Variants in LYPD2 observed in about 807,000 individuals in gnomAD.
LYPD2 encodes the protein ly6/PLAUR domain-containing protein 2.
Under a neutral mutation model 7.1 loss-of-function variants are expected in LYPD2, and 5 were observed. That is an observed-to-expected ratio of 0.70 (90% CI 0.37 to 1.48). LYPD2 has a LOEUF of 1.48. Ranked by LOEUF, LYPD2 falls within the 40% of genes most tolerant of loss-of-function variation. The pLI, the probability that LYPD2 is intolerant of heterozygous loss-of-function variation, is 0.03. For synonymous variants in LYPD2, 78 were observed against 82.0 expected (o/e 0.95, Z 0.26); for missense variants, 177 against 171.0 (o/e 1.04, Z -0.20).
chr8:142,750,930 G>T (rs746384417), intron 2 of LYPD2, 121 bp downstream of exon 2: 118 of 1,536,676 alleles, frequency 7.7e-5, no homozygotes, highest in Non-Finnish European at 1.0e-4. Context: ...GGCTCTGACC[G>T]GGAACCCAGC....
rs751446640 is a variant in LYPD2, at chr8:142,751,159, G to C, written c.70C>G (p.Arg24Gly). ...GTGGGCTCCGGACAGACGTAGCAGC[G>C]CAGGGCCGGCGCTGGGGAGAAGGGA... ...AACGELAPAL[R>G]CYVCPEPTGV... is the part of the protein sequence containing the mutation. Residue 24 changes from arginine (R) to glycine (G), a missense_variant, in exon 2 of 3, where the codon CGC (arginine) becomes GGC (glycine). Physicochemically the swap from Arg to Gly is moderately radical, Grantham distance 125. Coordinates refer to ENST00000359228, the MANE Select transcript of LYPD2 (RefSeq NM_205545.3). 6.8e-6 allele frequency: 11 copies of C among 1,613,992 alleles called. No individual in the cohort carries two copies. Among genetic ancestry groups the C allele is most frequent in the Non-Finnish European group, 9.3e-6 (11 of 1,180,012 alleles).
rs766170996 is a variant in LYPD2, at chr8:142,750,390, C to T, written c.271G>A (p.Val91Met). The change falls in exon 3 of 3, where the codon GTG becomes ATG. Residue 91 changes from valine to methionine, a missense_variant. Val to Met is a conservative substitution (Grantham distance 21, BLOSUM62 1). Transcript: ENST00000359228. ...DVDGIGQTLP[V>M]SCCNTELCNV... Reference sequence around the variant, plus strand: ...CACAGCTCAGTATTGCAGCAGGACACGGGCAGGGTCTGGCCGATGCCATCC... The same window carrying T: ...CACAGCTCAGTATTGCAGCAGGACATGGGCAGGGTCTGGCCGATGCCATCC... The T allele has an allele frequency of 3.4e-5, 53 of 1,576,508 alleles. 1 individual carries two copies. The highest frequency in any genetic ancestry group is 1.5e-4 in the South Asian group (13 of 85,810).
At position 142,750,204 on chromosome 8, in the gene LYPD2, C is replaced by T. The variant is rs1814671726; in HGVS notation, c.*79G>A. The T allele has an allele frequency of 1.6e-6, 2 of 1,289,160 alleles. No homozygotes were observed. Among genetic ancestry groups the T allele is most frequent in the East Asian group, 2.5e-5 (1 of 39,560 alleles). 79.9% of individuals were successfully genotyped at this position (1,289,160 alleles called of 1,614,324 possible). Reference sequence around the variant, plus strand: ...CAGGTCTGTGCCCAGAAAGGAGACTCAGGAGTCCTGGTGCAGGGGGCACTT... The same window carrying T: ...CAGGTCTGTGCCCAGAAAGGAGACTTAGGAGTCCTGGTGCAGGGGGCACTT... On this transcript the variant is annotated 3_prime_UTR_variant, in exon 3 of 3. Transcript: ENST00000359228.
chr8:142,752,422 C>G lies in LYPD2; in HGVS notation c.30G>C (p.Ala10=), dbSNP rs78400087. ...GCTCTCCGCAGGCAGCCAGCACCAG[C>G]GCCAGGAGCGCCAGCCGCGTCCCCC... MRGTRLALL[A]LVLAACGELA... The change falls in exon 1 of 3, where the codon GCG becomes GCC. Residue 10 remains alanine (A), a synonymous_variant. Transcript: ENST00000359228. 0.021 allele frequency: 33,763 copies of G among 1,613,396 alleles called. 455 individuals are homozygous for G. Among genetic ancestry groups the G allele is most frequent in the Non-Finnish European group, 0.025 (29,132 of 1,179,772 alleles).
Position 142,750,298 on chromosome 8 carries a change from CA to C in LYPD2, c.362del (p.Leu121Ter). Reference sequence around the variant, plus strand: ...GGCGGGGACTCTACAGTCGGAGGCTCAAGAGTGGGAGGAGCGTGAGGGCCCC... The same window carrying C: ...GGCGGGGACTCTACAGTCGGAGGCTCAGAGTGGGAGGAGCGTGAGGGCCCC... Reference protein sequence around the residue: ...HCGALTLLPLLSLRL With the variant: ...HCGALTLLPLXSLRL On this transcript the variant is annotated frameshift_variant, in exon 3 of 3. Transcript: ENST00000359228. LOFTEE classifies it high-confidence loss of function. 1.3e-6 allele frequency: 2 copies of C among 1,552,174 alleles called. No homozygotes were observed. The highest frequency in any genetic ancestry group is 1.7e-6 in the Non-Finnish European group (2 of 1,147,684).
At chr8:142,750,818 G>T (rs946938951) in intron 2 of LYPD2, among the ~76,000 whole-genome samples, 1 of 152,266 alleles carries the variant, frequency 6.6e-6, no homozygotes, top group African/African-American at 2.4e-5. Context: ...GAAGGGGAGG[G>T]CAGAGGGAGG....
chr8:142,750,760 C>T (rs1344992800), intron 2 of LYPD2, among the ~76,000 whole-genome samples: 9 of 152,232 alleles, frequency 5.9e-5, no homozygotes, highest in Non-Finnish European at 7.3e-5. Flanking sequence ...CCCCCCAAAA[C>T]GAGGTTGCAG....
chr8:142,750,773 A>G (rs1161736083), intron 2 of LYPD2, among the ~76,000 whole-genome samples: 1 of 152,198 alleles, frequency 6.6e-6, no homozygotes, highest in African/African-American at 2.4e-5. Flanking sequence ...GGTTGCAGAT[A>G]TGTTCCCACC....
chr8:142,752,269 G>C, intron 1 of LYPD2, 125 bp downstream of exon 1: 12 of 1,045,652 alleles, frequency 1.1e-5, no homozygotes, highest in South Asian at 8.0e-5. Flanking sequence ...CACACCCCCG[G>C]CCCCACAGCT....
At position 142,750,400 on chromosome 8, in the gene LYPD2, C is replaced by T. The variant is rs1417733356; in HGVS notation, c.261G>A (p.Gln87=). Residue 87 remains glutamine (Q), a synonymous_variant, in exon 3 of 3, where the codon CAG becomes CAA. Coordinates refer to ENST00000359228, the MANE Select transcript of LYPD2 (RefSeq NM_205545.3). ...CKPSDVDGIG[Q]TLPVSCCNTE... is the part of the protein sequence containing the mutation. ...TATTGCAGCAGGACACGGGCAGGGT[C>T]TGGCCGATGCCATCCACATCCGAGG... The T allele has an allele frequency of 6.3e-7, 1 of 1,581,132 alleles. No homozygotes were observed. The highest frequency in any genetic ancestry group is 1.2e-5 in the South Asian group (1 of 86,188).
At chr8:142,751,286 C>A in intron 1 of LYPD2, 116 bp from the exon 2 acceptor site, 1 of 1,391,482 alleles carries the variant, frequency 7.2e-7, no homozygotes, top group Non-Finnish European at 9.6e-7. Context: ...GGTAGAGATG[C>A]CTACCAGCCA....
At chr8:142,750,885 G>T (rs1424076416) in intron 2 of LYPD2, among the ~76,000 whole-genome samples, 166 bp downstream of exon 2, 1 of 152,240 alleles carries the variant, frequency 6.6e-6, no homozygotes, top group Non-Finnish European at 1.5e-5. Context: ...CTGTGCACTG[G>T]GGCCAAGCTG....
chr8:142,751,116 A>G lies in LYPD2; in HGVS notation c.113T>C (p.Val38Ala), dbSNP rs1814700307. 2 of 1,614,124 alleles carry G rather than the reference A, an allele frequency of 1.2e-6. No individual in the cohort carries two copies. The highest frequency in any genetic ancestry group is 1.7e-6 in the Non-Finnish European group (2 of 1,180,012). The change falls in exon 2 of 3, where the codon GTC becomes GCC. Residue 38 changes from valine (V) to alanine (A), a missense_variant. Val to Ala is a moderately conservative substitution (Grantham distance 64). Coordinates refer to ENST00000359228, the MANE Select transcript of LYPD2 (RefSeq NM_205545.3). ...GTTGGTGGTGCAGGTGGCGATGGTG[A>G]CACAGTCCGACACTCCTGTGGGCTC... ...CPEPTGVSDC[V>A]TIATCTTNET...
Position 142,752,532 on chromosome 8 carries a change from T to C in LYPD2, c.-81A>G, listed in dbSNP as rs1215882730. The C allele has an allele frequency of 6.5e-7, 1 of 1,541,372 alleles. No homozygotes were observed. The highest frequency in any genetic ancestry group is 1.1e-5 in the South Asian group (1 of 87,108). Reference sequence around the variant, plus strand: ...GACACCAAGTGAGGTGGCGACAGACTGGTCTGCTGAGCGGATTAGTGGGGT... The same window carrying C: ...GACACCAAGTGAGGTGGCGACAGACCGGTCTGCTGAGCGGATTAGTGGGGT... On this transcript the variant is annotated 5_prime_UTR_variant, in exon 1 of 3. Coordinates refer to ENST00000359228, the MANE Select transcript of LYPD2 (RefSeq NM_205545.3).
intron 2 of LYPD2, 139 bp downstream of exon 2, chr8:142,750,912 C>G: frequency 6.8e-7 from 1 of 1,466,208 alleles, no homozygotes; most frequent in Non-Finnish European, 9.3e-7. Context: ...GGTGACTGGG[C>G]TGGAGGTGGC....
At chr8:142,750,624 C>T (rs1790125907) in intron 2 of LYPD2, 142 bp from the exon 3 acceptor site, 1 of 798,926 alleles carries the variant, frequency 1.3e-6, no homozygotes, top group South Asian at 1.7e-5. Context: ...CCCTCCTCTT[C>T]CTCTCTCCTC....
At position 142,750,253 on chromosome 8, in the gene LYPD2, C is replaced by A. The variant is rs903568672; in HGVS notation, c.*30G>T. ...TTCTTCAAGGCATTCGGGGCTGGGC[C>A]GCATAGGGCCATGGGGGTGGGCGGG... On this transcript the variant is annotated 3_prime_UTR_variant, in exon 3 of 3. Coordinates refer to ENST00000359228, the MANE Select transcript of LYPD2 (RefSeq NM_205545.3). 4 of 1,541,294 alleles carry A rather than the reference C, an allele frequency of 2.6e-6. No homozygotes were observed. Among genetic ancestry groups the A allele is most frequent in the Non-Finnish European group, 3.5e-6 (4 of 1,141,168 alleles).
At position 142,752,437 on chromosome 8, in the gene LYPD2, C is replaced by G. The variant is rs1814730111; in HGVS notation, c.15G>C (p.Arg5=). The change falls in exon 1 of 3, where the codon CGG becomes CGC. Residue 5 remains arginine, a synonymous_variant. Coordinates refer to ENST00000359228, the MANE Select transcript of LYPD2 (RefSeq NM_205545.3). ...CCAGCACCAGCGCCAGGAGCGCCAG[C>G]CGCGTCCCCCGCATGGTCCCGGCCC... is the stretch of plus-strand genomic sequence containing the variant. The part of the protein sequence containing the change: MRGT[R]LALLALVLAA... 6.2e-7 allele frequency: 1 copy of G among 1,613,330 alleles called. No homozygotes were observed. The highest frequency in any genetic ancestry group is 1.3e-5 in the African/African-American group (1 of 74,922).
rs759820542 is a variant in LYPD2 at position 142,750,391 on chromosome 8, G to T, written c.270C>A (p.Pro90=). The change falls in exon 3 of 3, where the codon CCC becomes CCA. Residue 90 remains proline (P), a synonymous_variant. Transcript: ENST00000359228. The part of the protein sequence containing the change: ...SDVDGIGQTL[P]VSCCNTELCN... ...ACAGCTCAGTATTGCAGCAGGACAC[G>T]GGCAGGGTCTGGCCGATGCCATCCA... 1.3e-6 allele frequency: 2 copies of T among 1,577,654 alleles called. No homozygotes were observed. Among genetic ancestry groups the T allele is most frequent in the East Asian group, 2.3e-5 (1 of 42,780 alleles).
Sources: gnomAD v4.1 joint callset for allele counts (sites outside exome capture counted in the v4.1 genomes callset) on GRCh38, gnomAD v4.1.1 for gene constraint, MANE v1.5 for transcripts, NCBI Gene and HGNC (gene_info 2026-07-23, HGNC 2026-07-21) for gene names.